CRLF3: variants seen among roughly 807,000 people sequenced by gnomAD.
The protein encoded by CRLF3 is cytokine receptor-like factor 3.
Under a neutral mutation model 55.0 loss-of-function variants are expected in CRLF3, and 33 were observed. The ratio of observed to expected loss-of-function variants is 0.60; its 90% CI spans 0.46 to 0.80. The LOEUF (loss-of-function observed/expected upper bound fraction) is 0.80. Ranked by LOEUF, CRLF3 falls within the 30% of genes least tolerant of loss-of-function variation. The pLI is 0.00. For synonymous variants in CRLF3, 238 were observed against 196.8 expected, an observed-to-expected ratio of 1.21 and a Z score of -1.75; for missense variants, 494 against 538.4, an observed-to-expected ratio of 0.92 and a Z score of 0.82.
At chr17:30,811,453 C>T (rs1378420077) in intron 1 of CRLF3, among the ~76,000 whole-genome samples, 1 of 149,738 alleles carries the variant, frequency 6.7e-6, no homozygotes, top group Non-Finnish European at 1.5e-5. Flanking sequence ...TACTCTGTCT[C>T]GAACAAACAA....
intron 6 of CRLF3, chr17:30,786,242 C>A: frequency 2.4e-6 from 1 of 418,448 alleles, no homozygotes; most frequent in Non-Finnish European, 4.2e-6. Flanking sequence ...GAGGTAGGTG[C>A]TTTTTCTTTT....
intron 1 of CRLF3, among the ~76,000 whole-genome samples, chr17:30,810,488 G>A (rs1355982570): frequency 1.3e-5 from 2 of 152,082 alleles, no homozygotes; most frequent in African/African-American, 4.8e-5. Flanking sequence ...CTTGAACCCG[G>A]GAAGCGGAGG....
rs957069368 is a variant in CRLF3 at position 30,796,430 on chromosome 17, C to A, written c.426-93G>T. On this transcript the variant is annotated intron_variant, in intron 3 of 7. Coordinates refer to ENST00000324238, the MANE Select transcript of CRLF3 (RefSeq NM_015986.4). ...AGAGCAGTCACATGCTTGAAAGATC[C>A]TGAAGCCCCCAGTAATTAATTCTCA... 32 of 901,104 alleles carry A rather than the reference C, an allele frequency of 3.6e-5. No individual in the cohort carries two copies. The African/African-American group carries it at 5.0e-4, about 14-fold the overall frequency. 55.8% of individuals were successfully genotyped at this position (901,104 alleles called of 1,614,324 possible). A position where few individuals can be genotyped will look rare whatever the true frequency, so the allele number is the denominator to read the frequency against.
chr17:30,787,021 G>C (rs1210241582), intron 6 of CRLF3, among the ~76,000 whole-genome samples: 7 of 152,132 alleles, frequency 4.6e-5, no homozygotes, highest in South Asian at 2.1e-4. Context: ...TTGTAGTAGA[G>C]ACACGGTTTC....
chr17:30,788,340 AAAAG>A (rs1425270314), intron 6 of CRLF3, among the ~76,000 whole-genome samples: 3 of 127,400 alleles, frequency 2.4e-5, no homozygotes, highest in African/African-American at 3.4e-5. Flanking sequence ...AAAAAAAAAG[AAAAG>A]AAAAGAAAAG....
intron 1 of CRLF3, among the ~76,000 whole-genome samples, chr17:30,808,851 C>T (rs147175664): frequency 0.026 from 3,979 of 152,286 alleles, 82 homozygotes; most frequent in Non-Finnish European, 0.039. Context: ...CCTCAGCCTC[C>T]CAAGGTGCTG....
At chr17:30,813,369 G>C (rs1338194775) in intron 1 of CRLF3, among the ~76,000 whole-genome samples, 1 of 152,150 alleles carries the variant, frequency 6.6e-6, no homozygotes. Flanking sequence ...TGGTAAGGGG[G>C]ATGGCAAGCA....
chr17:30,792,079 C>A (rs1391694431), intron 6 of CRLF3, among the ~76,000 whole-genome samples: 1 of 152,072 alleles, frequency 6.6e-6, no homozygotes, highest in Non-Finnish European at 1.5e-5. Context: ...AACTCCCGAC[C>A]TCAGGTGATC....
At position 30,784,400 on chromosome 17, in the gene CRLF3, G is replaced by T. The variant is rs759996220; in HGVS notation, c.1116C>A (p.Pro372=). The part of the protein sequence containing the change: ...VNGKEMTNQL[P]AVTSGSTVTF... ...TGACAGTGGACCCAGAAGTAACTGC[G>T]GGTAACTGATTTGTCATTTCTTTTC... Residue 372 remains proline, a synonymous_variant, in exon 8 of 8, where the codon CCC becomes CCA. Transcript: ENST00000324238. The T allele has an allele frequency of 3.2e-5, 51 of 1,613,384 alleles. No homozygotes were observed. Among genetic ancestry groups the T allele is most frequent in the Admixed American group, 1.5e-4 (9 of 59,974 alleles).
intron 2 of CRLF3, among the ~76,000 whole-genome samples, chr17:30,800,227 T>A (rs913402265): frequency 3.9e-5 from 6 of 152,178 alleles, no homozygotes; most frequent in African/African-American, 7.2e-5. Context: ...AGCGTTCTAA[T>A]CTCTTTCATC....
chr17:30,784,710 T>A, intron 7 of CRLF3: 1 of 331,792 alleles, frequency 3.0e-6, no homozygotes, highest in East Asian at 5.4e-5. Flanking sequence ...TCTTATGGAA[T>A]AAACAAGAAA....
chr17:30,814,656 C>CAA (rs748564150), intron 1 of CRLF3, among the ~76,000 whole-genome samples: 2 of 122,080 alleles, frequency 1.6e-5, no homozygotes, highest in Non-Finnish European at 3.5e-5. Flanking sequence ...GACTCCACCT[C>CAA]AAAAAAAAAA....
chr17:30,795,592 C>T (rs767075543), intron 4 of CRLF3, among the ~76,000 whole-genome samples: 6 of 151,660 alleles, frequency 4.0e-5, no homozygotes, highest in Non-Finnish European at 7.4e-5. Context: ...CACCTGAGGT[C>T]GGAGGTTGCA....
At chr17:30,807,371 CTA>C (rs1904439830) in intron 1 of CRLF3, among the ~76,000 whole-genome samples, 1 of 151,836 alleles carries the variant, frequency 6.6e-6, no homozygotes, top group South Asian at 2.1e-4. Flanking sequence ...TAAATTCTCT[CTA>C]AATTTAAAAA....
At chr17:30,821,989 T>C (rs559002987) in intron 1 of CRLF3, among the ~76,000 whole-genome samples, 1 of 136,536 alleles carries the variant, frequency 7.3e-6, no homozygotes, top group Admixed American at 8.3e-5. Context: ...AAGGCAGAGG[T>C]GGGAGGATCT....
chr17:30,805,440 C>T (rs1904367013), intron 1 of CRLF3, among the ~76,000 whole-genome samples: 1 of 151,984 alleles, frequency 6.6e-6, no homozygotes. Context: ...GTCAGCTGGG[C>T]ATGGAGGCTC....
chr17:30,813,366 G>A (rs1346346879), intron 1 of CRLF3, among the ~76,000 whole-genome samples: 2 of 152,244 alleles, frequency 1.3e-5, no homozygotes, highest in Non-Finnish European at 2.9e-5. Flanking sequence ...TTCTGGTAAG[G>A]GGGATGGCAA....
chr17:30,786,782 C>G (rs1232332878), intron 6 of CRLF3: 1 of 152,908 alleles, frequency 6.5e-6, no homozygotes. Flanking sequence ...CTCACTGCAA[C>G]CTCTGCCTCC....
intron 6 of CRLF3, 119 bp from the exon 7 acceptor site, chr17:30,786,150 G>A: frequency 1.6e-6 from 1 of 637,724 alleles, no homozygotes; most frequent in Non-Finnish European, 2.8e-6. Flanking sequence ...AAATAGTACA[G>A]CAACCATGAT....
Sources: allele counts gnomAD v4.1 joint callset (sites outside exome capture counted in the v4.1 genomes callset), GRCh38; gene constraint gnomAD v4.1.1; transcripts MANE v1.5; gene names NCBI Gene and HGNC (gene_info 2026-07-23, HGNC 2026-07-21).